STRN3: variants seen among roughly 807,000 people sequenced by gnomAD.
The protein encoded by STRN3 is striatin-3.
STRN3 carries 29 observed loss-of-function variants against 95.6 expected under a neutral mutation model. The ratio of observed to expected loss-of-function variants is 0.30; its 90% CI spans 0.23 to 0.41. The LOEUF is 0.41. STRN3 is among the 10% of genes least tolerant of loss of function. The pLI is 1.00. For synonymous variants in STRN3, 331 were observed against 357.6 expected, an observed-to-expected ratio of 0.93 and a Z score of 0.84; for missense variants, 890 against 972.1, an observed-to-expected ratio of 0.92 and a Z score of 1.12.
intron 9 of STRN3, among the ~76,000 whole-genome samples, chr14:30,915,806 G>A (rs1011432900): frequency 2.6e-5 from 4 of 152,062 alleles, no homozygotes; most frequent in Admixed American, 1.3e-4. Context: ...TAACTTTAAC[G>A]TAACAAATGA....
chr14:30,987,758 G>A (rs1316350516), intron 1 of STRN3, among the ~76,000 whole-genome samples: 7 of 147,382 alleles, frequency 4.7e-5, no homozygotes, highest in Admixed American at 4.7e-4. Flanking sequence ...TTTTTTTTGA[G>A]ACAGACTCTC....
intron 1 of STRN3, among the ~76,000 whole-genome samples, chr14:31,022,195 C>A (rs889745783): frequency 6.6e-6 from 1 of 151,942 alleles, no homozygotes; most frequent in African/African-American, 2.4e-5. Context: ...CTGGCTAACA[C>A]GGTGAAACCC....
chr14:30,929,416 T>C (rs906599440), intron 7 of STRN3, 105 bp from the exon 8 acceptor site: 39 of 841,236 alleles, frequency 4.6e-5, no homozygotes, highest in Non-Finnish European at 6.5e-5. Context: ...AATGTACTAA[T>C]AGCATATACT....
At chr14:30,987,026 TTTC>T (rs1269471530) in intron 1 of STRN3, among the ~76,000 whole-genome samples, 3 of 152,182 alleles carry the variant, frequency 2.0e-5, no homozygotes, top group Non-Finnish European at 2.9e-5. Context: ...CAAAATTTTG[TTTC>T]TTAATTTCAG....
chr14:31,015,945 C>T (rs1476176331), intron 1 of STRN3, among the ~76,000 whole-genome samples: 1 of 152,166 alleles, frequency 6.6e-6, no homozygotes. Flanking sequence ...GGACTTCAGG[C>T]ACATGCTACC....
At chr14:30,939,012 G>A (rs1291954897) in intron 5 of STRN3, among the ~76,000 whole-genome samples, 2 of 152,152 alleles carry the variant, frequency 1.3e-5, no homozygotes, top group Admixed American at 6.5e-5. Flanking sequence ...TCAGAGACAA[G>A]AATTCTCCTC....
At chr14:30,991,777 G>A (rs1335190246) in intron 1 of STRN3, among the ~76,000 whole-genome samples, 1 of 152,020 alleles carries the variant, frequency 6.6e-6, no homozygotes, top group Non-Finnish European at 1.5e-5. Flanking sequence ...AAGGTTAGAA[G>A]AAGCCATATT....
chr14:31,003,261 C>CAAA (rs376981218), intron 1 of STRN3, among the ~76,000 whole-genome samples: 2 of 82,600 alleles, frequency 2.4e-5, no homozygotes, highest in African/African-American at 4.6e-5. Context: ...ACTCTGTCTC[C>CAAA]AAAAAAAAAA....
chr14:30,979,982 C>T (rs1293027275), intron 1 of STRN3, among the ~76,000 whole-genome samples: 1 of 115,648 alleles, frequency 8.6e-6, no homozygotes, highest in African/African-American at 2.9e-5. Context: ...GGTGCGGTGG[C>T]TCACGCCTGT....
intron 7 of STRN3, among the ~76,000 whole-genome samples, chr14:30,933,698 G>T (rs10483355): frequency 1.3e-5 from 2 of 152,078 alleles, no homozygotes; most frequent in Admixed American, 6.5e-5. Context: ...AGTAATTGTG[G>T]AGTTTTCTCA....
intron 1 of STRN3, among the ~76,000 whole-genome samples, chr14:30,991,074 A>C (rs10444696): frequency 0.39 from 59,928 of 152,076 alleles, 12,579 homozygotes; most frequent in Non-Finnish European, 0.47. Context: ...CAGTCTAATC[A>C]TTAGCTGCTT....
At chr14:30,933,443 A>G (rs2139066705) in intron 7 of STRN3, among the ~76,000 whole-genome samples, 1 of 151,980 alleles carries the variant, frequency 6.6e-6, no homozygotes, top group African/African-American at 2.4e-5. Context: ...GTAGGTTCTA[A>G]GTTTTTTAAA....
chr14:30,947,427 C>G (rs759549851), intron 4 of STRN3, among the ~76,000 whole-genome samples, 164 bp from the exon 5 acceptor site: 1 of 151,990 alleles, frequency 6.6e-6, no homozygotes, highest in Non-Finnish European at 1.5e-5. Flanking sequence ...AGAACAATAC[C>G]AAATACAAAC....
At chr14:30,905,612 C>T (rs1386590350) in intron 14 of STRN3, 54 bp from the exon 15 acceptor site, 13 of 1,535,692 alleles carry the variant, frequency 8.5e-6, no homozygotes, top group Non-Finnish European at 1.1e-5. Flanking sequence ...ACTATGAAAT[C>T]TCTACTTTTT....
At chr14:30,964,087 C>A (rs955559721) in intron 1 of STRN3, among the ~76,000 whole-genome samples, 6 of 151,826 alleles carry the variant, frequency 4.0e-5, no homozygotes, top group African/African-American at 1.5e-4. Context: ...CCCCATCTCT[C>A]GTAAAAATAC....
Position 30,912,242 on chromosome 14 carries a change from T to G in STRN3, c.1375-60A>C, listed in dbSNP as rs1896630333. The stretch of plus-strand genomic sequence containing the variant: ...GTAGTAAACTGGAAGGCATGTGGAG[T>G]GTTTGTTCGTTTCTTTTTGGTGTGT... On this transcript the variant is annotated intron_variant, in intron 10 of 17. Transcript: ENST00000357479. The G allele has an allele frequency of 2.7e-6, 4 of 1,504,270 alleles. No individual in the cohort carries two copies. In the East Asian group the frequency reaches 9.2e-5, roughly 34 times the overall value. The allele number at this position is 1,504,270 out of a possible 1,614,324, so 93.2% of individuals were successfully genotyped here.
At chr14:30,934,616 A>C (rs947057008) in intron 7 of STRN3, among the ~76,000 whole-genome samples, 8 of 152,208 alleles carry the variant, frequency 5.3e-5, no homozygotes, top group African/African-American at 1.9e-4. Flanking sequence ...AACATTTTGC[A>C]CACTGAATAT....
At chr14:31,020,128 G>A (rs1459050054) in intron 1 of STRN3, among the ~76,000 whole-genome samples, 1 of 152,126 alleles carries the variant, frequency 6.6e-6, no homozygotes, top group African/African-American at 2.4e-5. Flanking sequence ...CGATACTTCA[G>A]ATCTAGAAGT....
chr14:30,943,326 T>C (rs1348986685), intron 5 of STRN3, among the ~76,000 whole-genome samples: 1 of 152,206 alleles, frequency 6.6e-6, no homozygotes, highest in Non-Finnish European at 1.5e-5. Flanking sequence ...CTCATGCCTA[T>C]AATCTTAGCA....
Sources: allele counts gnomAD v4.1 joint callset (sites outside exome capture counted in the v4.1 genomes callset), GRCh38; gene constraint gnomAD v4.1.1; transcripts MANE v1.5; gene names NCBI Gene and HGNC (gene_info 2026-07-23, HGNC 2026-07-21).